Variants in STARD8 observed in about 807,000 individuals in gnomAD.
STARD8 encodes StAR related lipid transfer domain containing 8.
A neutral mutation model predicts 69.4 loss-of-function variants in STARD8; 25 were observed. That is an observed-to-expected ratio of 0.36 (90% CI 0.26 to 0.50). STARD8 has a LOEUF of 0.50. STARD8 is among the 20% of genes least tolerant of loss of function. The pLI, the probability that STARD8 is intolerant of heterozygous loss-of-function variation, is 0.96. For synonymous variants in STARD8, 389 were observed against 374.6 expected, an observed-to-expected ratio of 1.04 and a Z score of -0.45; for missense variants, 921 against 932.5, an observed-to-expected ratio of 0.99 and a Z score of 0.16.
Position 68,715,335 on chromosome X carries a change from C to G in STARD8, c.193C>G (p.His65Asp), listed in dbSNP as rs1478931799. Residue 65 changes from histidine (H) to aspartate (D), a missense_variant, in exon 4 of 15, where the codon CAC (histidine) becomes GAC (aspartate). By Grantham distance (81) the His-to-Asp change is moderately conservative. Transcript: ENST00000374599. ...GGATATTGGCTCTGTGAAGAAAAAC[C>G]ACGGTTTTCTGGACGAGGACTCTTT... ...PLDIGSVKKN[H>D]GFLDEDSLGA... 5.0e-6 allele frequency: 6 copies of G among 1,208,250 alleles called. No homozygotes were observed. The highest frequency in any genetic ancestry group is 6.7e-6 in the Non-Finnish European group (6 of 893,837).
At chrX:68,682,874 G>A (rs1316524268) in intron 2 of STARD8, among the ~76,000 whole-genome samples, 1 of 112,375 alleles carries the variant, frequency 8.9e-6, no homozygotes, top group Non-Finnish European at 1.9e-5. Flanking sequence ...TCTTAGAAGT[G>A]TGGACTTGTC....
At chrX:68,651,269 T>C (rs1482359452) in intron 1 of STARD8, among the ~76,000 whole-genome samples, 1 of 112,940 alleles carries the variant, frequency 8.9e-6, no homozygotes. Flanking sequence ...TCCACGTGCA[T>C]GCACATGCAT....
chrX:68,682,000 ATT>A (rs58696444), intron 2 of STARD8, among the ~76,000 whole-genome samples: 3 of 96,112 alleles, frequency 3.1e-5, no homozygotes, highest in Middle Eastern at 5.3e-3. Flanking sequence ...TTACTCTTCA[ATT>A]TTTTTTTTTT....
chrX:68,721,876 G>A (rs2080152522), intron 10 of STARD8, 130 bp downstream of exon 10: 2 of 804,284 alleles, frequency 2.5e-6, no homozygotes, highest in South Asian at 5.2e-5. Flanking sequence ...TGACTCCTCA[G>A]GGGCCCTGGG....
At chrX:68,713,144 C>G (rs942534898) in intron 3 of STARD8, among the ~76,000 whole-genome samples, 159 bp downstream of exon 3, 1 of 112,153 alleles carries the variant, frequency 8.9e-6, no homozygotes, top group Non-Finnish European at 1.9e-5. Flanking sequence ...GCAGTTGCAC[C>G]TTTCTCTCCT....
rs369272166 is a variant in STARD8 at position 68,660,407 on chromosome X, A to G, written c.46-5092A>G. Among the ~76,000 whole-genome samples the G allele has an allele frequency of 2.7e-5, 3 of 111,660 alleles. No individual in the cohort carries two copies. In the East Asian group the frequency reaches 8.5e-4, roughly 31 times the overall value. On this transcript the variant is annotated intron_variant, in intron 1 of 14. Coordinates refer to ENST00000374599, the MANE Select transcript of STARD8 (RefSeq NM_001142503.3). The stretch of plus-strand genomic sequence containing the variant: ...CAGCTCTCCTCTGCCCTTTTCAGGG[A>G]CAAGATTGGCATCCTCCAGGGCTGT...
intron 2 of STARD8, among the ~76,000 whole-genome samples, chrX:68,690,434 G>A (rs1044710818): frequency 9.3e-6 from 1 of 107,733 alleles, no homozygotes; most frequent in Non-Finnish European, 1.9e-5. Context: ...AGGCAGGCAG[G>A]GCGGGGGGAC....
chrX:68,723,908 A>T, intron 13 of STARD8, 37 bp from the exon 14 acceptor site: 1 of 1,208,811 alleles, frequency 8.3e-7, no homozygotes, highest in Non-Finnish European at 1.1e-6. Context: ...GGAAACCAGC[A>T]CTAGGAATCT....
intron 2 of STARD8, among the ~76,000 whole-genome samples, chrX:68,674,060 A>G (rs1357543889): frequency 3.6e-5 from 4 of 111,364 alleles, no homozygotes; most frequent in Non-Finnish European, 7.5e-5. Context: ...TTGGGAGGCC[A>G]AGGCGGGTGG....
chrX:68,653,211 C>G (rs1188674206), intron 1 of STARD8, among the ~76,000 whole-genome samples: 1 of 45,261 alleles, frequency 2.2e-5, no homozygotes, highest in Non-Finnish European at 3.9e-5. Flanking sequence ...ACACACCACA[C>G]CACACAACAT....
At chrX:68,684,059 C>G (rs2079816102) in intron 2 of STARD8, among the ~76,000 whole-genome samples, 1 of 112,683 alleles carries the variant, frequency 8.9e-6, no homozygotes, top group Admixed American at 9.3e-5. Flanking sequence ...AGAACAATGT[C>G]TGGTATAGCT....
At chrX:68,723,598 C>T (rs2080170088) in intron 12 of STARD8, 28 bp from the exon 13 acceptor site, 3 of 1,141,583 alleles carry the variant, frequency 2.6e-6, no homozygotes, top group African/African-American at 3.6e-5. Flanking sequence ...CTGACAGCTG[C>T]CCCCATCCCC....
At chrX:68,713,079 C>A in intron 3 of STARD8, 94 bp downstream of exon 3, 1 of 933,335 alleles carries the variant, frequency 1.1e-6, no homozygotes, top group Non-Finnish European at 1.5e-6. Flanking sequence ...TTTCCAACTA[C>A]ACACAAGCAG....
Position 68,720,418 on chromosome X carries a change from G to T in STARD8, c.2044G>T (p.Asp682Tyr). The change falls in exon 8 of 15, where the codon GAC (aspartate) becomes TAC (tyrosine). Residue 682 changes from aspartate (D) to tyrosine (Y), a missense_variant. Physicochemically the swap from Asp to Tyr is radical, Grantham distance 160 (BLOSUM62 -3). Coordinates refer to ENST00000374599, the MANE Select transcript of STARD8 (RefSeq NM_001142503.3). ...AMRYLRSQCL[D>Y]QVGIFRKSGV... is the part of the protein sequence containing the mutation. ...GCGCTACTTGCGCAGCCAGTGCCTG[G>T]ACCAAGTGAGCCCTCGTGGGGCAGC... is the stretch of plus-strand genomic sequence containing the variant. 8.5e-7 allele frequency: 1 copy of T among 1,172,548 alleles called. No individual in the cohort carries two copies. Among genetic ancestry groups the T allele is most frequent in the Non-Finnish European group, 1.1e-6 (1 of 872,548 alleles).
At chrX:68,690,026 G>T (rs948485651) in intron 2 of STARD8, among the ~76,000 whole-genome samples, 1 of 108,836 alleles carries the variant, frequency 9.2e-6, no homozygotes, top group Non-Finnish European at 1.9e-5. Context: ...TGTTTTGTTT[G>T]TTTGTTTGTT....
intron 1 of STARD8, among the ~76,000 whole-genome samples, chrX:68,653,073 ACACACACCACACCACACACCACACACAC>A (rs770033150): frequency 0.013 from 558 of 43,054 alleles, 21 homozygotes; most frequent in African/African-American, 0.053. Context: ...CACACACCAC[ACACACACCACACCACACACCACACACAC>A]CACACACACA....
chrX:68,668,989 A>T (rs1456085613), intron 2 of STARD8, among the ~76,000 whole-genome samples: 3 of 111,635 alleles, frequency 2.7e-5, no homozygotes, highest in African/African-American at 9.8e-5. Context: ...GCCAACATAT[A>T]TATCAAACAC....
chrX:68,707,226 C>A (rs1451777597), intron 2 of STARD8, among the ~76,000 whole-genome samples: 1 of 112,457 alleles, frequency 8.9e-6, no homozygotes, highest in Non-Finnish European at 1.9e-5. Flanking sequence ...AGGAGGCCAC[C>A]ACGTGTTTAA....
chrX:68,672,516 A>G (rs1030903390), intron 2 of STARD8, among the ~76,000 whole-genome samples: 1 of 111,895 alleles, frequency 8.9e-6, no homozygotes, highest in African/African-American at 3.3e-5. Context: ...CCTGACTGAC[A>G]GTGACCAATG....
Sources: gnomAD v4.1 joint callset for allele counts (sites outside exome capture counted in the v4.1 genomes callset) on GRCh38, gnomAD v4.1.1 for gene constraint, MANE v1.5 for transcripts, NCBI Gene and HGNC (gene_info 2026-07-23, HGNC 2026-07-21) for gene names.